The following TRPS1 variants were observed in gnomAD, a reference collection of about 807,000 sequenced individuals.
TRPS1 encodes transcriptional repressor GATA binding 1.
In TRPS1, 6 loss-of-function variants were observed where a neutral mutation model predicts 101.2. The observed-to-expected ratio is 0.06, with a 90% CI of 0.03 to 0.12. The LOEUF is 0.12. Ranked by LOEUF, TRPS1 falls within the 10% of genes least tolerant of loss-of-function variation. The pLI is 1.00. For synonymous variants in TRPS1, 578 were observed against 589.8 expected (o/e 0.98, Z 0.29); for missense variants, 1,363 against 1,567.0 (o/e 0.87, Z 2.20).
intron 5 of TRPS1, among the ~76,000 whole-genome samples, chr8:115,546,500 C>T (rs1390628527): frequency 6.6e-6 from 1 of 151,002 alleles, no homozygotes; most frequent in Non-Finnish European, 1.5e-5. Context: ...TGTTCTTATC[C>T]TTAGTGTTTC....
chr8:115,551,864 G>T (rs554947273), intron 5 of TRPS1, among the ~76,000 whole-genome samples: 1 of 152,060 alleles, frequency 6.6e-6, no homozygotes, highest in South Asian at 2.1e-4. Flanking sequence ...CCCCTTTATC[G>T]CTGGCTTGCT....
At chr8:115,490,987 C>T (rs1017357093) in intron 5 of TRPS1, among the ~76,000 whole-genome samples, 4 of 152,102 alleles carry the variant, frequency 2.6e-5, no homozygotes, top group East Asian at 3.8e-4. Flanking sequence ...CAACAAAATA[C>T]TGGGAGGGAC....
intron 5 of TRPS1, among the ~76,000 whole-genome samples, chr8:115,550,384 A>G (rs561636766): frequency 6.6e-6 from 1 of 152,280 alleles, no homozygotes; most frequent in South Asian, 2.1e-4. Context: ...CTCAGCCACT[A>G]CTTAGCTGTG....
intron 5 of TRPS1, among the ~76,000 whole-genome samples, chr8:115,582,749 T>A (rs918478023): frequency 1.3e-5 from 2 of 152,196 alleles, no homozygotes; most frequent in Non-Finnish European, 2.9e-5. Flanking sequence ...TGAAGCCAAG[T>A]AGCACAAAAT....
intron 5 of TRPS1, among the ~76,000 whole-genome samples, chr8:115,573,866 C>G (rs1817260838): frequency 6.6e-6 from 1 of 152,044 alleles, no homozygotes; most frequent in Non-Finnish European, 1.5e-5. Flanking sequence ...ATTGGCTTAC[C>G]CTTCATGCTG....
In TRPS1 at chr8:115,495,494, A is replaced by C. The variant is rs1457501906; in HGVS notation, c.2701-77042T>G. ...TATATATATATTTAAATTATATATAAATTTATATCATATATAAATTAGCCA... is the reference window on the plus strand; with the variant it reads ...TATATATATATTTAAATTATATATACATTTATATCATATATAAATTAGCCA... On this transcript the variant is annotated intron_variant, in intron 5 of 6. Transcript: ENST00000395715. 4.7e-5 allele frequency among the ~76,000 whole-genome samples: 7 copies of C among 149,266 alleles called. No individual in the cohort carries two copies. In the East Asian group the frequency reaches 1.2e-3, roughly 25 times the overall value.
intron 4 of TRPS1, among the ~76,000 whole-genome samples, chr8:115,596,964 T>G (rs1260813479): frequency 2.6e-5 from 4 of 151,930 alleles, no homozygotes; most frequent in African/African-American, 9.7e-5. Context: ...TTGTAGTCAC[T>G]TGTCATTTAT....
intron 5 of TRPS1, among the ~76,000 whole-genome samples, chr8:115,433,352 C>CA (rs1335512426): frequency 6.6e-6 from 1 of 151,948 alleles, no homozygotes; most frequent in Admixed American, 6.6e-5. Flanking sequence ...TTACAGAACA[C>CA]AAAAACTTGC....
At chr8:115,526,228 G>C (rs1815994905) in intron 5 of TRPS1, among the ~76,000 whole-genome samples, 1 of 152,066 alleles carries the variant, frequency 6.6e-6, no homozygotes, top group Non-Finnish European at 1.5e-5. Flanking sequence ...AGAATCTCTT[G>C]AACCCGGGAG....
At chr8:115,492,335 A>G in intron 5 of TRPS1, 2 of 447,366 alleles carry the variant, frequency 4.5e-6, no homozygotes, top group South Asian at 3.1e-5. Context: ...AGAGGCAGAT[A>G]ATTTTGCAGG....
chr8:115,473,329 C>A (rs890030913), intron 5 of TRPS1, among the ~76,000 whole-genome samples: 5 of 152,126 alleles, frequency 3.3e-5, no homozygotes, highest in African/African-American at 1.2e-4. Flanking sequence ...GAGGGAAATG[C>A]CCCTTATAAA....
chr8:115,415,072 A>C lies in TRPS1; in HGVS notation c.2836T>G (p.Leu946Val). 6.3e-7 allele frequency: 1 copy of C among 1,596,122 alleles called. No homozygotes were observed. The highest frequency in any genetic ancestry group is 8.5e-7 in the Non-Finnish European group (1 of 1,175,440). Residue 946 changes from leucine (L) to valine (V), a missense_variant, in exon 7 of 7, where the codon TTA becomes GTA. Leu to Val is a conservative substitution (Grantham distance 32). This residue lies in a region of TRPS1 where 12 missense variants were observed against 28.0 expected (regional missense o/e 0.43). Coordinates refer to ENST00000395715, the MANE Select transcript of TRPS1 (RefSeq NM_014112.5). Reference protein sequence around the residue: ...YQKLHSTPRPLNIIKQNNGEQ... With the variant: ...YQKLHSTPRPVNIIKQNNGEQ... ...CCGTTGTTTTGTTTAATGATGTTTA[A>C]AGGCCTGGGAGTCTGCAGAGAACAC...
intron 5 of TRPS1, among the ~76,000 whole-genome samples, chr8:115,465,422 AG>A (rs1261756493): frequency 6.6e-6 from 1 of 152,090 alleles, no homozygotes; most frequent in Non-Finnish European, 1.5e-5. Flanking sequence ...GCAACATTTT[AG>A]GTAGTAAAGA....
At chr8:115,543,686 C>A (rs555022911) in intron 5 of TRPS1, among the ~76,000 whole-genome samples, 5 of 151,882 alleles carry the variant, frequency 3.3e-5, no homozygotes, top group Non-Finnish European at 7.4e-5. Context: ...TTTTTATGTA[C>A]CAGGAGAAGG....
chr8:115,515,343 T>C (rs1289091696), intron 5 of TRPS1: 2 of 679,458 alleles, frequency 2.9e-6, no homozygotes, highest in African/African-American at 1.8e-5. Flanking sequence ...CTATTTAATG[T>C]GGAAAGAATT....
chr8:115,629,692 G>A (rs950738118), intron 1 of TRPS1, among the ~76,000 whole-genome samples: 1 of 151,780 alleles, frequency 6.6e-6, no homozygotes, highest in Non-Finnish European at 1.5e-5. Context: ...ATGGAATGTG[G>A]AAAGACCCAG....
intron 5 of TRPS1, among the ~76,000 whole-genome samples, chr8:115,434,745 C>G (rs982941962): frequency 6.6e-6 from 1 of 152,190 alleles, no homozygotes; most frequent in Non-Finnish European, 1.5e-5. Flanking sequence ...GCAACAAATG[C>G]ATAGCATTCT....
At position 115,421,209 on chromosome 8, in the gene TRPS1, TC is replaced by T. The variant is rs550121966; in HGVS notation, c.2701-2758del. On this transcript the variant is annotated intron_variant, in intron 5 of 6. Transcript: ENST00000395715. The stretch of plus-strand genomic sequence containing the variant: ...TGTGTTGGTCAGGCTGGTCTCAAAC[TC>T]CCAATCTCAAGTGATCTGCCCGCCT... Among the ~76,000 whole-genome samples, 364 of 152,194 alleles carry T rather than the reference TC, an allele frequency of 2.4e-3. 1 individual carries two copies. Among genetic ancestry groups the T allele is most frequent in the Non-Finnish European group, 4.1e-3 (282 of 68,000 alleles).
intron 5 of TRPS1, among the ~76,000 whole-genome samples, chr8:115,552,913 G>A (rs1379556462): frequency 6.6e-6 from 1 of 151,824 alleles, no homozygotes; most frequent in African/African-American, 2.4e-5. Flanking sequence ...GTTCATCCAA[G>A]AAATAACTAA....
Sources: allele counts gnomAD v4.1 joint callset (sites outside exome capture counted in the v4.1 genomes callset), GRCh38; gene constraint gnomAD v4.1.1; regional missense constraint gnomAD v4.1.1; transcripts MANE v1.5; gene names NCBI Gene and HGNC (gene_info 2026-07-23, HGNC 2026-07-21).